Variants in PCDHGA6 observed in about 807,000 individuals in gnomAD.
PCDHGA6 encodes protocadherin gamma-A6.
A neutral mutation model predicts 60.6 loss-of-function variants in PCDHGA6; 41 were observed. The observed-to-expected ratio is 0.68, with a 90% CI of 0.53 to 0.88. The LOEUF is 0.88. Among genes scored for constraint, PCDHGA6 ranks in the 40% least tolerant of loss-of-function variants. PCDHGA6 has a pLI of 0.00. For missense variants in PCDHGA6, 1,312 were observed against 1,203.0 expected, an observed-to-expected ratio of 1.09 and a Z score of -1.34; for synonymous variants, 594 against 524.4, an observed-to-expected ratio of 1.13 and a Z score of -1.81.
At chr5:141,463,165 C>G (rs1042153238) in intron 1 of PCDHGA6, among the ~76,000 whole-genome samples, 1 of 152,148 alleles carries the variant, frequency 6.6e-6, no homozygotes, top group Non-Finnish European at 1.5e-5. Context: ...TCAGTGCACT[C>G]TATGTATGCT....
At position 141,374,898 on chromosome 5, in the gene PCDHGA6, G is replaced by T; in HGVS notation, c.815G>T (p.Gly272Val). The T allele has an allele frequency of 1.9e-6, 3 of 1,613,794 alleles. No homozygotes were observed. Among genetic ancestry groups the T allele is most frequent in the Non-Finnish European group, 2.5e-6 (3 of 1,179,902 alleles). ...GTGACTGCCACCGACCAGGATGAAG[G>T]AGTCCACGGGGAAGTAACTTATTCC... is the stretch of plus-strand genomic sequence containing the variant. ...LAVTATDQDEGVHGEVTYSFV... is the reference protein window; with the variant it reads ...LAVTATDQDEVVHGEVTYSFV... Residue 272 changes from glycine (G) to valine (V), a missense_variant, in exon 1 of 4, where the codon GGA becomes GTA. Transcript: ENST00000517434.
chr5:141,383,028 C>A (rs1561593921), intron 1 of PCDHGA6: 23 of 1,613,814 alleles, frequency 1.4e-5, no homozygotes, highest in Non-Finnish European at 1.9e-5. Flanking sequence ...ACAAAGGGTC[C>A]TTTGTGGGAG....
At chr5:141,419,527 C>T (rs755936657) in intron 1 of PCDHGA6, 4 of 1,612,064 alleles carry the variant, frequency 2.5e-6, no homozygotes, top group Non-Finnish European at 2.5e-6. Context: ...GCGACCGTAA[C>T]GACAACGCAC....
chr5:141,494,674 C>A lies in PCDHGA6; in HGVS notation c.2425-133C>A, dbSNP rs532644387. ...ATTTTGTCTTTGGAGATGAGTCCAC[C>A]CCTGCCCCCTCTTAGTCCGTTTTCT... is the stretch of plus-strand genomic sequence containing the variant. On this transcript the variant is annotated intron_variant, in intron 1 of 3. Transcript: ENST00000517434. 3.4e-5 allele frequency: 53 copies of A among 1,545,802 alleles called. No homozygotes were observed. In the African/African-American group the frequency reaches 6.5e-4, roughly 19 times the overall value.
chr5:141,431,960 T>C lies in PCDHGA6; in HGVS notation c.2424+55453T>C. On this transcript the variant is annotated intron_variant, in intron 1 of 3. Transcript: ENST00000517434. This position sits in a 1 kb window ranked among gnomAD's most constrained non-coding sequence, Gnocchi z 4.8. ...TAAATTAGAAAAATCTTACGGAAAT[T>C]ACTATAGTTTAGTCACAGACATAGT... The C allele has an allele frequency of 3.7e-6, 6 of 1,614,166 alleles. No individual in the cohort carries two copies. Among genetic ancestry groups the C allele is most frequent in the Non-Finnish European group, 5.1e-6 (6 of 1,180,034 alleles).
chr5:141,375,333 T>C lies in PCDHGA6; in HGVS notation c.1250T>C (p.Leu417Ser). The change falls in exon 1 of 4, where the codon TTG becomes TCG. Residue 417 changes from leucine (L) to serine (S), a missense_variant. Physicochemically the swap from Leu to Ser is moderately radical, Grantham distance 145. Coordinates refer to ENST00000517434, the MANE Select transcript of PCDHGA6 (RefSeq NM_018919.3). ...NAALDREEVF[L>S]YNITVTATDK... ...GCTCTAGACCGGGAAGAGGTATTCT[T>C]GTACAACATCACTGTGACAGCCACG... 6.2e-7 allele frequency: 1 copy of C among 1,613,828 alleles called. No individual in the cohort carries two copies. The highest frequency in any genetic ancestry group is 2.2e-5 in the East Asian group (1 of 44,880).
At chr5:141,510,906 C>G in intron 3 of PCDHGA6, 41 bp from the exon 4 acceptor site, 1 of 1,613,582 alleles carries the variant, frequency 6.2e-7, no homozygotes, top group Non-Finnish European at 8.5e-7. Context: ...TGTTGAGGAC[C>G]CTAAGTTTAG....
intron 1 of PCDHGA6, among the ~76,000 whole-genome samples, chr5:141,436,175 A>G (rs1263518258): frequency 1.3e-5 from 2 of 152,192 alleles, no homozygotes; most frequent in Non-Finnish European, 2.9e-5. Flanking sequence ...CAGTTCTCAT[A>G]TATAGTCAAA....
rs1479377011 is a variant in PCDHGA6 at position 141,374,137 on chromosome 5, G to T, written c.54G>T (p.Thr18=). The T allele has an allele frequency of 6.8e-6, 11 of 1,606,212 alleles. No homozygotes were observed. Among genetic ancestry groups the T allele is most frequent in the African/African-American group, 1.3e-5 (1 of 74,778 alleles). Residue 18 remains threonine, a synonymous_variant, in exon 1 of 4, where the codon ACG becomes ACT. Coordinates refer to ENST00000517434, the MANE Select transcript of PCDHGA6 (RefSeq NM_018919.3). ...GCAGCGAGCAGGTCCTGCTCCTCAC[G>T]CTCCTGGGGACGCTGTGGGGGGCCG... ...PQRSEQVLLL[T]LLGTLWGAAA...
chr5:141,455,924 G>A (rs2098837630), intron 1 of PCDHGA6, among the ~76,000 whole-genome samples: 1 of 149,978 alleles, frequency 6.7e-6, no homozygotes. Flanking sequence ...TTGAGACGGA[G>A]TCTCGCTCTG....
intron 1 of PCDHGA6, chr5:141,409,714 CG>C: frequency 6.2e-7 from 1 of 1,613,226 alleles, no homozygotes; most frequent in Non-Finnish European, 8.5e-7. Flanking sequence ...TGTCGTCATA[CG>C]TGTCAGTGAG....
chr5:141,433,921 T>G (rs1203867326), intron 1 of PCDHGA6, among the ~76,000 whole-genome samples: 2 of 152,012 alleles, frequency 1.3e-5, no homozygotes, highest in African/African-American at 4.8e-5. Flanking sequence ...CACCTCCAAA[T>G]GAAGATTTTA....
chr5:141,399,794 C>G, intron 1 of PCDHGA6: 1 of 1,613,268 alleles, frequency 6.2e-7, no homozygotes, highest in South Asian at 1.1e-5. Flanking sequence ...GACAACGCAC[C>G]GCGGGTGCTG....
Position 141,491,834 on chromosome 5 carries a change from CG to C in PCDHGA6, c.2425-2970del. On this transcript the variant is annotated intron_variant, in intron 1 of 3. Transcript: ENST00000517434. This position sits in a 1 kb window ranked among gnomAD's most constrained non-coding sequence, Gnocchi z 6.9. ...CGCTGGCTGCGCTCCACCCGATTCT[CG>C]GGATCATTGGACCGTTTGCGCGAAA... 1 of 1,473,830 alleles carries C rather than the reference CG, an allele frequency of 6.8e-7. No homozygotes were observed. Among genetic ancestry groups the C allele is most frequent in the Middle Eastern group, 1.8e-4 (1 of 5,590 alleles). The allele number at this position is 1,473,830 out of a possible 1,614,324, so 91.3% of individuals were successfully genotyped here.
chr5:141,409,226 G>A (rs753236012), intron 1 of PCDHGA6: 1 of 1,613,862 alleles, frequency 6.2e-7, no homozygotes, highest in African/African-American at 1.3e-5. Flanking sequence ...TGATGAAAAC[G>A]ACAACAGCCC....
intron 1 of PCDHGA6, among the ~76,000 whole-genome samples, chr5:141,474,357 T>G (rs185194067): frequency 2.0e-4 from 30 of 152,302 alleles, no homozygotes; most frequent in African/African-American, 6.5e-4. Context: ...AAGTCATGTC[T>G]CAGTAGGTCT....
chr5:141,408,846 TGGACGGA>T, intron 1 of PCDHGA6: 1 of 1,613,698 alleles, frequency 6.2e-7, no homozygotes, highest in Non-Finnish European at 8.5e-7. Flanking sequence ...TTGACTGCCT[TGGACGGA>T]GGGGACCCAC....
intron 2 of PCDHGA6, among the ~76,000 whole-genome samples, chr5:141,505,113 G>A (rs1254889990): frequency 6.6e-6 from 1 of 152,178 alleles, no homozygotes; most frequent in East Asian, 1.9e-4. Context: ...AATGAGCCAA[G>A]ATCGCGCCAC....
intron 1 of PCDHGA6, chr5:141,415,740 G>GTTTTTTTTTTTTTTTTTTTTTTTTTTTTT (rs57426385): frequency 8.0e-6 from 5 of 625,030 alleles, no homozygotes; most frequent in African/African-American, 2.5e-5. Flanking sequence ...GTTTATTAAG[G>GTTTTTTTTTTTTTTTTTTTTTTTTTTTTT]TTTTTTTTTT....
Sources: allele counts gnomAD v4.1 joint callset (sites outside exome capture counted in the v4.1 genomes callset), GRCh38; gene constraint gnomAD v4.1.1; non-coding constraint Gnocchi (gnomAD v3.1); transcripts MANE v1.5; gene names NCBI Gene and HGNC (gene_info 2026-07-23, HGNC 2026-07-21).